The following MAP3K7CL variants were observed in gnomAD, a reference collection of about 807,000 sequenced individuals.
MAP3K7CL encodes MAP3K7 C-terminal like, also known as MAP3K7 C-terminal-like protein.
MAP3K7CL carries 16 observed loss-of-function variants against 18.6 expected under a neutral mutation model. That is an observed-to-expected ratio of 0.86 (90% CI 0.58 to 1.31). The LOEUF is 1.31. Among genes scored for constraint, MAP3K7CL ranks in the 50% most tolerant of loss-of-function variants. The pLI, the probability that MAP3K7CL is intolerant of heterozygous loss-of-function variation, is 0.00. For synonymous variants in MAP3K7CL, 65 were observed against 66.8 expected (o/e 0.97, Z 0.13); for missense variants, 163 against 174.4 (o/e 0.93, Z 0.37).
intron 4 of MAP3K7CL, among the ~76,000 whole-genome samples, chr21:29,108,670 C>T (rs1288101830): frequency 6.6e-6 from 1 of 152,156 alleles, no homozygotes; most frequent in Non-Finnish European, 1.5e-5. Flanking sequence ...GTCCCAGTAT[C>T]CTCATTTGTC....
At chr21:29,134,857 G>A (rs939236076) in intron 2 of MAP3K7CL, among the ~76,000 whole-genome samples, 9 of 152,148 alleles carry the variant, frequency 5.9e-5, no homozygotes, top group Admixed American at 2.0e-4. Flanking sequence ...AGACCATTCT[G>A]GCTAATACGG....
intron 4 of MAP3K7CL, among the ~76,000 whole-genome samples, chr21:29,114,447 G>C (rs1184413978): frequency 2.0e-5 from 3 of 152,136 alleles, no homozygotes; most frequent in African/African-American, 4.8e-5. Flanking sequence ...CTGGAGGACA[G>C]TGGTGCAATC....
chr21:29,091,304 C>A (rs8131128), intron 1 of MAP3K7CL, among the ~76,000 whole-genome samples: 1,624 of 152,254 alleles, frequency 0.011, 28 homozygotes, highest in African/African-American at 0.037. Flanking sequence ...ATGAGATGGC[C>A]TGTGTTCCCT....
chr21:29,166,995 G>A (rs983007371), intron 4 of MAP3K7CL, among the ~76,000 whole-genome samples: 1 of 152,162 alleles, frequency 6.6e-6, no homozygotes, highest in Non-Finnish European at 1.5e-5. Context: ...GTTTTCAAAC[G>A]GGTTGACATT....
chr21:29,091,411 G>T, intron 1 of MAP3K7CL: 12 of 556,118 alleles, frequency 2.2e-5, no homozygotes, highest in East Asian at 6.0e-5. Flanking sequence ...ATCACAAAAT[G>T]AGGTATAGCT....
chr21:29,109,688 C>A, intron 4 of MAP3K7CL: 3 of 987,348 alleles, frequency 3.0e-6, no homozygotes, highest in Non-Finnish European at 2.4e-6. Context: ...TCTGCATGAT[C>A]TCGGCTCACT....
chr21:29,077,900 A>G (rs1209024528), intron 1 of MAP3K7CL, among the ~76,000 whole-genome samples: 1 of 152,222 alleles, frequency 6.6e-6, no homozygotes, highest in Non-Finnish European at 1.5e-5. Flanking sequence ...TCCAGCCTCC[A>G]GGAGAGCTAA....
intron 4 of MAP3K7CL, among the ~76,000 whole-genome samples, chr21:29,174,201 G>A (rs1254030763): frequency 1.3e-5 from 2 of 152,200 alleles, no homozygotes; most frequent in South Asian, 2.1e-4. Flanking sequence ...ATTAGGGAAA[G>A]ACATAGGAGG....
chr21:29,131,082 A>G (rs1455992248), intron 1 of MAP3K7CL, 159 bp downstream of exon 1: 2 of 214,182 alleles, frequency 9.3e-6, no homozygotes, highest in African/African-American at 4.7e-5. Context: ...TGTGGTCAAC[A>G]TGGTGTGGAA....
At chr21:29,157,339 A>C (rs886887672) in intron 3 of MAP3K7CL, among the ~76,000 whole-genome samples, 21 of 152,336 alleles carry the variant, frequency 1.4e-4, no homozygotes, top group African/African-American at 4.8e-4. Context: ...TGGGTTATGC[A>C]ATATAACCTT....
chr21:29,160,814 G>A (rs568000432), intron 4 of MAP3K7CL, among the ~76,000 whole-genome samples: 3 of 152,326 alleles, frequency 2.0e-5, no homozygotes, highest in East Asian at 1.9e-4. Context: ...TGCCATAAAA[G>A]CACTGATAGT....
Position 29,077,851 on chromosome 21 carries a change from CT to C in MAP3K7CL, c.-49+139del, listed in dbSNP as rs1222381152. The C allele has an allele frequency of 3.3e-5, 5 of 152,358 alleles. No homozygotes were observed. In the East Asian group the frequency reaches 9.7e-4, roughly 29 times the overall value. 9.4% of individuals were successfully genotyped at this position (152,358 alleles called of 1,614,324 possible). On this transcript the variant is annotated intron_variant, in intron 1 of 7. Coordinates refer to the MAP3K7CL transcript ENST00000341618. ...GTTTCTGTTATAGTGATTCAAAAGC[CT>C]GGGATCCTCATGTTAGGTGCTGCCT...
chr21:29,138,623 C>T (rs2086934781), intron 2 of MAP3K7CL, among the ~76,000 whole-genome samples: 1 of 152,078 alleles, frequency 6.6e-6, no homozygotes, highest in Non-Finnish European at 1.5e-5. Context: ...TTTTTTGTTT[C>T]GCTTAGAAAG....
At chr21:29,098,631 T>C (rs923521523) in intron 4 of MAP3K7CL, among the ~76,000 whole-genome samples, 18 of 152,226 alleles carry the variant, frequency 1.2e-4, no homozygotes, top group African/African-American at 4.3e-4. Flanking sequence ...TAATTCCTTT[T>C]TGCAAAGGCG....
chr21:29,081,101 A>G (rs199805787), upstream of MAP3K7CL, among the ~76,000 whole-genome samples: 8 of 152,322 alleles, frequency 5.3e-5, no homozygotes, highest in East Asian at 1.5e-3. Flanking sequence ...TAGTCACAGT[A>G]TCTAGAAATA....
At chr21:29,174,669 T>G (rs762629422) in intron 4 of MAP3K7CL, 43 bp from the exon 5 acceptor site, 82 of 1,603,062 alleles carry the variant, frequency 5.1e-5, no homozygotes, top group Non-Finnish European at 6.7e-5. Flanking sequence ...TTTGCTTGCA[T>G]TGAATTCTGT....
At chr21:29,096,654 A>G (rs758652456) in intron 4 of MAP3K7CL, among the ~76,000 whole-genome samples, 44 of 152,222 alleles carry the variant, frequency 2.9e-4, no homozygotes, top group Non-Finnish European at 5.7e-4. Flanking sequence ...GAGAGGCACT[A>G]TATTCAACAG....
intron 3 of MAP3K7CL, among the ~76,000 whole-genome samples, chr21:29,153,236 A>G (rs2087318994): frequency 6.6e-6 from 1 of 152,198 alleles, no homozygotes; most frequent in Non-Finnish European, 1.5e-5. Context: ...ATATCTCTTT[A>G]TAATGTTCAT....
chr21:29,092,489 C>T, exon 4 of MAP3K7CL: 1 of 1,614,200 alleles, frequency 6.2e-7, no homozygotes, highest in Non-Finnish European at 8.5e-7. Context: ...GAGGACAATC[C>T]AAAGGTCAGC....
Sources: allele counts gnomAD v4.1 joint callset (sites outside exome capture counted in the v4.1 genomes callset), GRCh38; gene constraint gnomAD v4.1.1; transcripts MANE v1.5; gene names NCBI Gene and HGNC (gene_info 2026-07-23, HGNC 2026-07-21).